The following PCMT1 variants were observed in gnomAD, a reference collection of about 807,000 sequenced individuals.
The protein encoded by PCMT1 is protein-L-isoaspartate (D-aspartate) O-methyltransferase, also known as protein-L-isoaspartate(D-aspartate) O-methyltransferase.
PCMT1 carries 9 observed loss-of-function variants against 29.2 expected under a neutral mutation model. That is an observed-to-expected ratio of 0.31 (90% CI 0.19 to 0.54). PCMT1 has a LOEUF of 0.54. PCMT1 is among the 20% of genes least tolerant of loss of function. The pLI, the probability that PCMT1 is intolerant of heterozygous loss-of-function variation, is 0.95. For synonymous variants in PCMT1, 98 were observed against 97.5 expected (o/e 1.00, Z -0.03); for missense variants, 184 against 282.2 (o/e 0.65, Z 2.49).
intron 7 of PCMT1, among the ~76,000 whole-genome samples, 168 bp from the exon 8 acceptor site, chr6:149,810,448 T>C (rs1038905776): frequency 1.7e-4 from 26 of 152,248 alleles, no homozygotes; most frequent in African/African-American, 5.5e-4. Flanking sequence ...TTGGAATGGC[T>C]GACCCTCTGT....
chr6:149,753,388 A>G (rs1786402801), intron 1 of PCMT1, among the ~76,000 whole-genome samples: 4 of 151,906 alleles, frequency 2.6e-5, no homozygotes, highest in Admixed American at 2.6e-4. Context: ...GCTGGAGTGC[A>G]ATGGCACGAT....
intron 7 of PCMT1, among the ~76,000 whole-genome samples, chr6:149,805,657 G>C (rs566622134): frequency 6.6e-6 from 1 of 151,670 alleles, no homozygotes; most frequent in South Asian, 2.1e-4. Flanking sequence ...ACAAATTTAG[G>C]CTGGGCACAG....
At chr6:149,754,314 A>T (rs1786437042) in intron 1 of PCMT1, among the ~76,000 whole-genome samples, 1 of 152,210 alleles carries the variant, frequency 6.6e-6, no homozygotes, top group African/African-American at 2.4e-5. Flanking sequence ...TTATTTTATG[A>T]TTATGGACTG....
At chr6:149,791,190 C>T (rs188347094) in intron 4 of PCMT1, among the ~76,000 whole-genome samples, 2 of 152,264 alleles carry the variant, frequency 1.3e-5, no homozygotes, top group East Asian at 3.9e-4. Flanking sequence ...GTAGCTGGGC[C>T]CCGTCTCCCA....
intron 5 of PCMT1, 78 bp downstream of exon 5, chr6:149,793,747 C>A: frequency 8.2e-7 from 1 of 1,215,836 alleles, no homozygotes; most frequent in Non-Finnish European, 1.1e-6. Context: ...AAATAATACT[C>A]AGAGGTAATT....
At chr6:149,798,874 T>C (rs1298243475) in intron 6 of PCMT1, among the ~76,000 whole-genome samples, 1 of 152,250 alleles carries the variant, frequency 6.6e-6, no homozygotes, top group East Asian at 1.9e-4. Context: ...CTTGAGACTC[T>C]GCATGAGGAA....
chr6:149,805,739 C>T (rs568496985), intron 7 of PCMT1, among the ~76,000 whole-genome samples: 109 of 151,730 alleles, frequency 7.2e-4, no homozygotes, highest in African/African-American at 2.6e-3. Context: ...AGATCGAGAC[C>T]ATCCTGGCCA....
intron 3 of PCMT1, among the ~76,000 whole-genome samples, chr6:149,787,710 A>G (rs529566939): frequency 6.6e-6 from 1 of 152,136 alleles, no homozygotes; most frequent in Admixed American, 6.5e-5. Context: ...CAGAAATATT[A>G]TGCAGATAGT....
intron 6 of PCMT1, among the ~76,000 whole-genome samples, chr6:149,799,327 A>G (rs1222438275): frequency 6.6e-6 from 1 of 152,102 alleles, no homozygotes; most frequent in African/African-American, 2.4e-5. Flanking sequence ...AAAAAATAAA[A>G]GCTTCTAGAA....
rs901508455 is a variant in PCMT1, at chr6:149,749,786, G to A, written c.-116G>A. On this transcript the variant is annotated 5_prime_UTR_variant, in exon 1 of 8. Transcript: ENST00000464889. ...GACGGCAGTAACAGCGGCAGCTACA[G>A]CGGGGACGCGAGCGGGGCGGTGACG... 10 of 1,551,130 alleles carry A rather than the reference G, an allele frequency of 6.4e-6. No individual in the cohort carries two copies. The African/African-American group carries it at 6.8e-5, about 11-fold the overall frequency.
In PCMT1 at chr6:149,749,907, C is replaced by T. The variant is rs757734724; in HGVS notation, c.6C>T (p.Ala2=). 1 of 1,608,710 alleles carries T rather than the reference C, an allele frequency of 6.2e-7. No homozygotes were observed. Among genetic ancestry groups the T allele is most frequent in the Non-Finnish European group, 8.5e-7 (1 of 1,178,134 alleles). The change falls in exon 1 of 8, where the codon GCC becomes GCT. Residue 2 remains alanine (A), a synonymous_variant. Transcript: ENST00000464889. The part of the protein sequence containing the change: M[A]WKSGGASHSE... ...TGCTCCGAGTGTGCTTAGCGATGGC[C>T]TGGAAATCCGGCGGCGCCAGCCACT...
At chr6:149,786,461 G>T (rs1295570375) in intron 3 of PCMT1, among the ~76,000 whole-genome samples, 1 of 142,068 alleles carries the variant, frequency 7.0e-6, no homozygotes. Context: ...GGGCGGAGAC[G>T]CTCCTCACTT....
chr6:149,800,613 T>C (rs990492819), intron 6 of PCMT1, among the ~76,000 whole-genome samples: 2 of 152,214 alleles, frequency 1.3e-5, no homozygotes, highest in African/African-American at 4.8e-5. Flanking sequence ...TGTAAGAGCT[T>C]CCATTGAGTA....
chr6:149,795,641 T>A, intron 5 of PCMT1: 1 of 453,730 alleles, frequency 2.2e-6, no homozygotes, highest in Non-Finnish European at 4.1e-6. Flanking sequence ...CTATTCTGGA[T>A]TACTATAAAA....
rs9505977 is a variant in PCMT1, at chr6:149,789,170, G to A, written c.193-784G>A. ...CGGATCACTGCAATCTCCCCGTCCC[G>A]GGTTCAAGCAGTTCTCTGCCTCAGC... is the stretch of plus-strand genomic sequence containing the variant. On this transcript the variant is annotated intron_variant, in intron 3 of 7. Transcript: ENST00000464889. 5.2e-3 allele frequency among the ~76,000 whole-genome samples: 788 copies of A among 150,232 alleles called. 7 individuals carry two copies. The highest frequency in any genetic ancestry group is 0.019 in the African/African-American group (761 of 40,828).
At chr6:149,805,411 G>A (rs1775979937) in intron 7 of PCMT1, among the ~76,000 whole-genome samples, 2 of 151,082 alleles carry the variant, frequency 1.3e-5, no homozygotes, top group African/African-American at 4.9e-5. Context: ...GGGTAACATG[G>A]CGAAACCCCG....
chr6:149,790,805 T>C (rs1788333961), intron 4 of PCMT1, among the ~76,000 whole-genome samples: 1 of 152,072 alleles, frequency 6.6e-6, no homozygotes, highest in South Asian at 2.1e-4. Context: ...GGCCAGGAGT[T>C]CGAGACCAGC....
chr6:149,794,624 C>CAAATA lies in PCMT1; in HGVS notation c.418+968_418+972dup, dbSNP rs1046192022. ...AGAGCTAGAGTCCGTCTCAAAAAAA[C>CAAATA]AAATAAAATAAAATAAAGGCCCGGG... On this transcript the variant is annotated intron_variant, in intron 5 of 7. Coordinates refer to ENST00000464889, the MANE Select transcript of PCMT1 (RefSeq NM_001360452.2). 10 of 259,240 alleles carry CAAATA rather than the reference C, an allele frequency of 3.9e-5. 1 individual carries two copies. The highest frequency in any genetic ancestry group is 1.0e-4 in the Admixed American group (2 of 19,062). 16.1% of individuals were successfully genotyped at this position (259,240 alleles called of 1,614,324 possible).
Position 149,796,438 on chromosome 6 carries a change from G to A in PCMT1, c.442G>A (p.Ala148Thr). 1 of 1,613,730 alleles carries A rather than the reference G, an allele frequency of 6.2e-7. No individual in the cohort carries two copies. The highest frequency in any genetic ancestry group is 8.5e-7 in the Non-Finnish European group (1 of 1,179,826). ...AGTGGGGGATGGAAGAATGGGATAT[G>A]CTGAAGAAGCCCCTTATGATGCCAT... ...LVVGDGRMGY[A>T]EEAPYDAIHV... is the part of the protein sequence containing the mutation. Residue 148 changes from alanine (A) to threonine (T), a missense_variant, in exon 6 of 8, where the codon GCT becomes ACT. Coordinates refer to ENST00000464889, the MANE Select transcript of PCMT1 (RefSeq NM_001360452.2).
Sources: allele counts gnomAD v4.1 joint callset (sites outside exome capture counted in the v4.1 genomes callset), GRCh38; gene constraint gnomAD v4.1.1; transcripts MANE v1.5; gene names NCBI Gene and HGNC (gene_info 2026-07-23, HGNC 2026-07-21).